HSD17B12: variants seen among roughly 807,000 people sequenced by gnomAD.
HSD17B12 encodes hydroxysteroid 17-beta dehydrogenase 12, also known as very-long-chain 3-oxoacyl-CoA reductase.
HSD17B12 carries 32 observed loss-of-function variants against 39.3 expected under a neutral mutation model. The observed-to-expected ratio is 0.81, with a 90% CI of 0.61 to 1.09. The LOEUF (loss-of-function observed/expected upper bound fraction) is 1.09, where lower values mean the gene tolerates loss of function less well. Ranked by LOEUF, HSD17B12 falls within the 50% of genes least tolerant of loss-of-function variation. The pLI, the probability that HSD17B12 is intolerant of heterozygous loss-of-function variation, is 0.00. For synonymous variants in HSD17B12, 150 were observed against 146.7 expected, an observed-to-expected ratio of 1.02 and a Z score of -0.16; for missense variants, 342 against 382.9, an observed-to-expected ratio of 0.89 and a Z score of 0.89.
chr11:43,775,775 C>T (rs1358450692), intron 3 of HSD17B12, among the ~76,000 whole-genome samples: 1 of 143,486 alleles, frequency 7.0e-6, no homozygotes. Flanking sequence ...GATCCCACAA[C>T]AGTCCCCAGA....
At chr11:43,595,396 T>A in the HSD17B12 span, among the ~76,000 whole-genome samples, 4 of 152,280 alleles carry the variant, frequency 2.6e-5, no homozygotes, top group African/African-American at 9.6e-5. Flanking sequence ...GTAAGTGATA[T>A]ACTTTCAGTG....
At chr11:43,722,510 G>A (rs1177531424) in intron 1 of HSD17B12, among the ~76,000 whole-genome samples, 1 of 152,092 alleles carries the variant, frequency 6.6e-6, no homozygotes, top group East Asian at 1.9e-4. Context: ...CCAGGGATTC[G>A]AGACCAGCCT....
chr11:43,838,029 A>C, intron 7 of HSD17B12: 1 of 384,284 alleles, frequency 2.6e-6, no homozygotes, highest in Non-Finnish European at 4.7e-6. Flanking sequence ...AGAAGACCTC[A>C]GAGGGTAGAG....
the HSD17B12 span, among the ~76,000 whole-genome samples, chr11:43,622,324 TTTA>T: frequency 6.6e-6 from 1 of 152,100 alleles, no homozygotes; most frequent in East Asian, 1.9e-4. Context: ...AATAATAGGT[TTTA>T]TTATTTAAAG....
chr11:43,598,266 G>A, the HSD17B12 span, among the ~76,000 whole-genome samples: 1 of 152,154 alleles, frequency 6.6e-6, no homozygotes. Flanking sequence ...CTTCCCAAGT[G>A]AATCCTGCAC....
chr11:43,627,852 CATT>C, the HSD17B12 span, among the ~76,000 whole-genome samples: 1 of 151,768 alleles, frequency 6.6e-6, no homozygotes, highest in East Asian at 1.9e-4. Context: ...GTCTTCATGG[CATT>C]ATTATTATTT....
chr11:43,646,729 C>T, the HSD17B12 span, among the ~76,000 whole-genome samples: 1 of 152,210 alleles, frequency 6.6e-6, no homozygotes, highest in Non-Finnish European at 1.5e-5. Context: ...TCACATCTCT[C>T]TACAAAGTGG....
At chr11:43,841,272 T>C (rs1023192550) in intron 9 of HSD17B12, among the ~76,000 whole-genome samples, 2 of 152,246 alleles carry the variant, frequency 1.3e-5, no homozygotes, top group Non-Finnish European at 2.9e-5. Context: ...ATCTATATAT[T>C]CTGGATGTTG....
chr11:43,679,261 C>T (rs1192172476), upstream of HSD17B12, among the ~76,000 whole-genome samples: 1 of 152,102 alleles, frequency 6.6e-6, no homozygotes. Context: ...TATAAGAATG[C>T]CTGTGATTTT....
intron 3 of HSD17B12, among the ~76,000 whole-genome samples, chr11:43,782,067 G>C (rs1009174478): frequency 1.3e-5 from 2 of 152,098 alleles, no homozygotes; most frequent in Admixed American, 1.3e-4. Context: ...AATGCTTTAG[G>C]CAAAGCGTGG....
At chr11:43,768,038 C>T (rs1473986967) in intron 3 of HSD17B12, among the ~76,000 whole-genome samples, 2 of 152,118 alleles carry the variant, frequency 1.3e-5, no homozygotes, top group Non-Finnish European at 1.5e-5. Context: ...AATATGAAAA[C>T]GAAGTCTGGG....
chr11:43,738,530 A>G (rs1950336807), intron 1 of HSD17B12, among the ~76,000 whole-genome samples: 1 of 152,192 alleles, frequency 6.6e-6, no homozygotes, highest in Admixed American at 6.5e-5. Context: ...TCACTTTTAG[A>G]TGATTCTTGA....
chr11:43,681,254 A>T, intron 1 of HSD17B12: 1 of 868,758 alleles, frequency 1.2e-6, no homozygotes, highest in Non-Finnish European at 1.5e-6. Flanking sequence ...AAACTGCCTT[A>T]AGTCTCTGGG....
chr11:43,766,638 A>G (rs1950598226), intron 3 of HSD17B12, among the ~76,000 whole-genome samples: 1 of 152,198 alleles, frequency 6.6e-6, no homozygotes, highest in South Asian at 2.1e-4. Flanking sequence ...AGAGACAAGG[A>G]CACAATTCTT....
chr11:43,722,522 G>C (rs1385309606), intron 1 of HSD17B12, among the ~76,000 whole-genome samples: 1 of 152,114 alleles, frequency 6.6e-6, no homozygotes, highest in Non-Finnish European at 1.5e-5. Flanking sequence ...GACCAGCCTG[G>C]CCAACATAGT....
At chr11:43,815,697 AG>A (rs968491334) in intron 5 of HSD17B12, among the ~76,000 whole-genome samples, 196 bp downstream of exon 5, 22 of 152,158 alleles carry the variant, frequency 1.4e-4, no homozygotes, top group African/African-American at 5.1e-4. Flanking sequence ...GCAGCTTCAT[AG>A]GGGTATTAGA....
At chr11:43,797,302 C>A (rs1395383482) in intron 3 of HSD17B12, among the ~76,000 whole-genome samples, 1 of 152,180 alleles carries the variant, frequency 6.6e-6, no homozygotes, top group Non-Finnish European at 1.5e-5. Flanking sequence ...CTTTTGAATT[C>A]TCAGCAAGTT....
chr11:43,767,215 A>AC (rs398075901), intron 3 of HSD17B12, among the ~76,000 whole-genome samples: 1 of 144,838 alleles, frequency 6.9e-6, no homozygotes, highest in Non-Finnish European at 1.5e-5. Flanking sequence ...AAAAAAAAAA[A>AC]ACACTTTTTT....
chr11:43,769,669 T>G (rs1484279341), intron 3 of HSD17B12, among the ~76,000 whole-genome samples: 1 of 152,254 alleles, frequency 6.6e-6, no homozygotes, highest in African/African-American at 2.4e-5. Flanking sequence ...GTTTTTGACT[T>G]CTATTTCTGA....
Sources: allele counts gnomAD v4.1 joint callset (sites outside exome capture counted in the v4.1 genomes callset), GRCh38; gene constraint gnomAD v4.1.1; transcripts MANE v1.5; gene names NCBI Gene and HGNC (gene_info 2026-07-23, HGNC 2026-07-21).